Variants in IQGAP2 observed in about 807,000 individuals in gnomAD.
IQGAP2 encodes ras GTPase-activating-like protein IQGAP2.
In IQGAP2, 173 loss-of-function variants were observed where a neutral mutation model predicts 201.3. The observed-to-expected ratio is 0.86, with a 90% confidence interval of 0.76 to 0.98. IQGAP2 has a LOEUF of 0.98. Among genes scored for constraint, IQGAP2 ranks in the 50% least tolerant of loss-of-function variants. The pLI is 0.00. For missense variants in IQGAP2, 1,687 were observed against 1,864.8 expected (o/e 0.90, Z 1.76); for synonymous variants, 675 against 673.9 (o/e 1.00, Z -0.03).
At chr5:76,523,250 A>C (rs2150197449) in intron 2 of IQGAP2, among the ~76,000 whole-genome samples, 1 of 151,350 alleles carries the variant, frequency 6.6e-6, no homozygotes, top group South Asian at 2.1e-4. Flanking sequence ...ACACTCTGCT[A>C]ATTTAAAAAA....
At chr5:76,529,532 G>A (rs1759157882) in intron 2 of IQGAP2, among the ~76,000 whole-genome samples, 1 of 151,932 alleles carries the variant, frequency 6.6e-6, no homozygotes, top group African/African-American at 2.4e-5. Flanking sequence ...AGAGGCTGAG[G>A]CGGGAGAATT....
intron 2 of IQGAP2, among the ~76,000 whole-genome samples, chr5:76,481,388 T>G (rs1204547011): frequency 6.6e-6 from 1 of 150,698 alleles, no homozygotes; most frequent in Non-Finnish European, 1.5e-5. Context: ...CAAAAAAAGT[T>G]TTTTTTTTTT....
rs70982606 is a variant in IQGAP2 at position 76,432,128 on chromosome 5, C to CTTTTTTTTTTTTTTTTTTTTTT, written c.46+28552_46+28553insTTTTTTTTTTTTTTTTTTTTTT. Reference sequence around the variant, plus strand: ...TGGAATTGACTGATCTTTCTTTCTTCTTTTTTTTTTTTTTTGAGATGGAGT... The same window carrying CTTTTTTTTTTTTTTTTTTTTTT: ...TGGAATTGACTGATCTTTCTTTCTTCTTTTTTTTTTTTTTTTTTTTTTTTTTTTTTTTTTTTTGAGATGGAGT... On this transcript the variant is annotated intron_variant, in intron 1 of 35. Transcript: ENST00000274364. Among the ~76,000 whole-genome samples, 139 of 95,306 alleles carry CTTTTTTTTTTTTTTTTTTTTTT rather than the reference C, an allele frequency of 1.5e-3. 3 individuals carry two copies. Among genetic ancestry groups the CTTTTTTTTTTTTTTTTTTTTTT allele is most frequent in the Non-Finnish European group, 1.8e-3 (89 of 50,150 alleles). The allele number at this position is 95,306 out of a possible 152,430, so 62.5% of individuals were successfully genotyped here. A position where few individuals can be genotyped will look rare whatever the true frequency, so the allele number is the denominator to read the frequency against.
At chr5:76,596,924 C>T (rs6888854) in intron 9 of IQGAP2, 40,852 of 153,362 alleles carry the variant, frequency 0.27, 5,870 homozygotes, top group South Asian at 0.47. Context: ...GTAGGCTTAC[C>T]GCAGTGCTTA....
chr5:76,682,053 G>A (rs1700919567), intron 28 of IQGAP2, among the ~76,000 whole-genome samples: 1 of 152,164 alleles, frequency 6.6e-6, no homozygotes, highest in South Asian at 2.1e-4. Context: ...CTAGGGGATA[G>A]AAAGAAGAGA....
At chr5:76,456,668 T>C (rs1381284218) in intron 1 of IQGAP2, among the ~76,000 whole-genome samples, 1 of 152,216 alleles carries the variant, frequency 6.6e-6, no homozygotes, top group Non-Finnish European at 1.5e-5. Flanking sequence ...TTCTTCCAGA[T>C]AAAAGCAGTT....
intron 2 of IQGAP2, among the ~76,000 whole-genome samples, chr5:76,509,687 C>A (rs1212812859): frequency 6.6e-6 from 1 of 152,110 alleles, no homozygotes; most frequent in Non-Finnish European, 1.5e-5. Flanking sequence ...AGCCACTGTG[C>A]CCAGATTCCT....
chr5:76,642,520 A>G (rs1238034819), intron 17 of IQGAP2, among the ~76,000 whole-genome samples: 5 of 152,186 alleles, frequency 3.3e-5, no homozygotes, highest in African/African-American at 9.7e-5. Flanking sequence ...AGGTAAGCCT[A>G]CTTTACAGAT....
intron 3 of IQGAP2, among the ~76,000 whole-genome samples, chr5:76,562,764 A>C (rs1403595125): frequency 6.6e-6 from 1 of 152,182 alleles, no homozygotes; most frequent in Non-Finnish European, 1.5e-5. Flanking sequence ...CCTCTGACTT[A>C]TGGGGCTTCC....
At chr5:76,631,425 T>C (rs766555287) in intron 14 of IQGAP2, among the ~76,000 whole-genome samples, 2 of 152,156 alleles carry the variant, frequency 1.3e-5, no homozygotes, top group Non-Finnish European at 2.9e-5. Flanking sequence ...ATATTAGCAC[T>C]ATACAAGAGA....
chr5:76,570,432 G>T, intron 3 of IQGAP2, 148 bp from the exon 4 acceptor site: 2 of 629,730 alleles, frequency 3.2e-6, no homozygotes. Flanking sequence ...CCTTTAGCAC[G>T]CCTCTGTTTG....
intron 2 of IQGAP2, among the ~76,000 whole-genome samples, chr5:76,544,310 G>A (rs1212879307): frequency 1.1e-4 from 16 of 152,150 alleles, no homozygotes; most frequent in Non-Finnish European, 7.3e-5. Flanking sequence ...TACAGCCCAC[G>A]ATGGTTCACA....
At chr5:76,528,595 A>C (rs773953933) in intron 2 of IQGAP2, among the ~76,000 whole-genome samples, 17 of 152,170 alleles carry the variant, frequency 1.1e-4, no homozygotes, top group Non-Finnish European at 2.4e-4. Flanking sequence ...AACCAAGCTC[A>C]AGGGAGTGAA....
intron 17 of IQGAP2, among the ~76,000 whole-genome samples, chr5:76,652,331 C>T (rs577880921): frequency 1.6e-4 from 24 of 152,240 alleles, no homozygotes; most frequent in African/African-American, 4.6e-4. Context: ...CAGTGGGCCA[C>T]GTGTTGTGGT....
chr5:76,597,449 A>C lies in IQGAP2; in HGVS notation c.918A>C (p.Ala306=). The C allele has an allele frequency of 6.2e-7, 1 of 1,614,008 alleles. No individual in the cohort carries two copies. Among genetic ancestry groups the C allele is most frequent in the Non-Finnish European group, 8.5e-7 (1 of 1,179,954 alleles). ...AACCCCCATCCTCAGGGCAGGCTGC[A>C]GTGGACCATATCAATGCTGTCATTC... The part of the protein sequence containing the change: ...GNINKVNRQA[A]VDHINAVIPE... Residue 306 remains alanine (A), a synonymous_variant, in exon 10 of 36, where the codon GCA becomes GCC. Transcript: ENST00000274364.
intron 1 of IQGAP2, among the ~76,000 whole-genome samples, chr5:76,411,461 G>A (rs1335619173): frequency 5.3e-5 from 8 of 152,286 alleles, no homozygotes; most frequent in Admixed American, 3.9e-4. Context: ...CCCAAAGTTC[G>A]TGTGTTGGAA....
chr5:76,671,453 G>A (rs1744309656), intron 23 of IQGAP2, among the ~76,000 whole-genome samples: 1 of 151,978 alleles, frequency 6.6e-6, no homozygotes, highest in South Asian at 2.1e-4. Flanking sequence ...GGAGGCCAAG[G>A]CAGGTGGATC....
intron 1 of IQGAP2, among the ~76,000 whole-genome samples, chr5:76,412,448 G>A (rs974760684): frequency 6.6e-6 from 1 of 152,092 alleles, no homozygotes; most frequent in Non-Finnish European, 1.5e-5. Context: ...CTACAGGTGT[G>A]TACCACCATG....
rs567444149 is a variant in IQGAP2 at position 76,551,376 on chromosome 5, C to T, written c.147-11020C>T. On this transcript the variant is annotated intron_variant, in intron 2 of 35. Transcript: ENST00000274364. Reference sequence around the variant, plus strand: ...GGCACTCCTCACTTCCCAGACTGGGCGGCCGGGCAGAGGGGCTCCTCACAT... The same window carrying T: ...GGCACTCCTCACTTCCCAGACTGGGTGGCCGGGCAGAGGGGCTCCTCACAT... Among the ~76,000 whole-genome samples the T allele has an allele frequency of 1.4e-3, 208 of 148,930 alleles. 1 individual carries two copies. The highest frequency in any genetic ancestry group is 3.9e-3 in the African/African-American group (153 of 39,364).
Sources: gnomAD v4.1 joint callset for allele counts (sites outside exome capture counted in the v4.1 genomes callset) on GRCh38, gnomAD v4.1.1 for gene constraint, MANE v1.5 for transcripts, NCBI Gene and HGNC (gene_info 2026-07-23, HGNC 2026-07-21) for gene names.